KIAA0232: variants seen among roughly 807,000 people sequenced by gnomAD.
KIAA0232 encodes the protein KIAA0232.
Under a neutral mutation model 122.0 loss-of-function variants are expected in KIAA0232, and 27 were observed. That is an observed-to-expected ratio of 0.22 (90% CI 0.16 to 0.31). KIAA0232 has a LOEUF of 0.31. KIAA0232 is among the 10% of genes least tolerant of loss of function. The pLI is 1.00. For missense variants in KIAA0232, 1,551 were observed against 1,634.2 expected (o/e 0.95, Z 0.88); for synonymous variants, 613 against 587.6 (o/e 1.04, Z -0.63).
intron 3 of KIAA0232, among the ~76,000 whole-genome samples, chr4:6,836,790 C>T (rs1719306916): frequency 6.6e-6 from 1 of 152,044 alleles, no homozygotes. Flanking sequence ...TTTAACAAAG[C>T]ACATCTTGCA....
chr4:6,793,185 A>G (rs910106457), intron 1 of KIAA0232, among the ~76,000 whole-genome samples: 2 of 152,004 alleles, frequency 1.3e-5, no homozygotes, highest in South Asian at 4.2e-4. Flanking sequence ...CCATTAGTTA[A>G]TTAAGTAATT....
At chr4:6,821,645 C>A (rs1045259302) in intron 2 of KIAA0232, among the ~76,000 whole-genome samples, 1 of 148,664 alleles carries the variant, frequency 6.7e-6, no homozygotes, top group East Asian at 2.0e-4. Context: ...TATATAGATA[C>A]GTGTATATAC....
chr4:6,834,934 C>A (rs530216377), intron 3 of KIAA0232, among the ~76,000 whole-genome samples: 4 of 152,088 alleles, frequency 2.6e-5, no homozygotes, highest in Non-Finnish European at 2.9e-5. Context: ...GAAACTGCCC[C>A]AAAACTTAGT....
intron 3 of KIAA0232, among the ~76,000 whole-genome samples, chr4:6,837,608 T>C (rs541353332): frequency 7.9e-5 from 12 of 152,154 alleles, no homozygotes; most frequent in Non-Finnish European, 1.5e-4. Flanking sequence ...CGCCACTGCA[T>C]TCCAGCCTGG....
rs377662696 is a variant in KIAA0232 at position 6,849,630 on chromosome 4, T to A, written c.369+7426T>A. On this transcript the variant is annotated intron_variant, in intron 4 of 9. Coordinates refer to ENST00000307659, the MANE Select transcript of KIAA0232 (RefSeq NM_014743.3). ...GACTCCATCTCAAACAAAGAAAAAA[T>A]TAGCCGGATGTGGTGGTGCATGCCT... 7.9e-5 allele frequency among the ~76,000 whole-genome samples: 12 copies of A among 151,878 alleles called. No individual in the cohort carries two copies. In the East Asian group the frequency reaches 1.9e-3, roughly 25 times the overall value.
intron 2 of KIAA0232, among the ~76,000 whole-genome samples, chr4:6,821,390 G>T (rs911283768): frequency 6.6e-6 from 1 of 151,884 alleles, no homozygotes; most frequent in Non-Finnish European, 1.5e-5. Context: ...CTTTCCCCCT[G>T]AATTTCCAAA....
intron 4 of KIAA0232, among the ~76,000 whole-genome samples, chr4:6,849,051 G>C (rs1277476405): frequency 6.6e-6 from 1 of 152,254 alleles, no homozygotes; most frequent in Non-Finnish European, 1.5e-5. Context: ...TTGGAGAGGA[G>C]TAGTGCAACC....
chr4:6,783,706 C>A (rs1205239346), intron 1 of KIAA0232, among the ~76,000 whole-genome samples: 1 of 150,608 alleles, frequency 6.6e-6, no homozygotes, highest in African/African-American at 2.4e-5. Context: ...GGGGGGCGGG[C>A]CTGGCGGGCG....
rs538437705 is a variant in KIAA0232, at chr4:6,804,546, G to A, written c.-330G>A. ...AGGTAGTGTACACTGATAAAGGTAG[G>A]GCGCGGTGGACTCTGCCCCTGTAAC... On this transcript the variant is annotated 5_prime_UTR_variant, in exon 2 of 10. Transcript: ENST00000307659. The A allele has an allele frequency of 5.1e-4, 77 of 152,254 alleles. No individual in the cohort carries two copies. The highest frequency in any genetic ancestry group is 1.7e-3 in the African/African-American group (72 of 41,530). The allele number at this position is 152,254 out of a possible 1,614,324, so 9.4% of individuals were successfully genotyped here.
intron 1 of KIAA0232, among the ~76,000 whole-genome samples, chr4:6,797,797 C>T (rs1717195870): frequency 7.3e-6 from 1 of 136,786 alleles, no homozygotes; most frequent in Admixed American, 7.3e-5. Context: ...AAAGGCCGGG[C>T]GCGGTGGCTC....
At chr4:6,837,574 G>T (rs1719385687) in intron 3 of KIAA0232, among the ~76,000 whole-genome samples, 1 of 152,228 alleles carries the variant, frequency 6.6e-6, no homozygotes, top group Admixed American at 6.5e-5. Context: ...GCTGGGAGGT[G>T]GAGGTTGTAG....
At chr4:6,878,639 A>G (rs1209792277) in intron 9 of KIAA0232, among the ~76,000 whole-genome samples, 1 of 152,138 alleles carries the variant, frequency 6.6e-6, no homozygotes, top group East Asian at 1.9e-4. Context: ...GCCTTCAGCA[A>G]GCACCTCAGC....
intron 6 of KIAA0232, among the ~76,000 whole-genome samples, chr4:6,859,777 C>G (rs1340588110): frequency 6.6e-6 from 1 of 152,176 alleles, no homozygotes; most frequent in Non-Finnish European, 1.5e-5. Context: ...AACAACAGTC[C>G]CCAGTAGCCA....
At chr4:6,820,556 T>C (rs1398151596) in intron 2 of KIAA0232, among the ~76,000 whole-genome samples, 1 of 152,202 alleles carries the variant, frequency 6.6e-6, no homozygotes, top group Non-Finnish European at 1.5e-5. Context: ...ACCATTTTCA[T>C]ACAAGAACTT....
chr4:6,840,012 C>T (rs1351530827), intron 3 of KIAA0232, among the ~76,000 whole-genome samples: 1 of 152,132 alleles, frequency 6.6e-6, no homozygotes, highest in Non-Finnish European at 1.5e-5. Context: ...ATCTCATTCA[C>T]AAGCAACCCA....
intron 9 of KIAA0232, among the ~76,000 whole-genome samples, chr4:6,879,480 G>GC (rs1439234814): frequency 1.3e-5 from 2 of 152,118 alleles, no homozygotes; most frequent in African/African-American, 2.4e-5. Flanking sequence ...TGTATGTTTT[G>GC]CCCCCGTCTG....
intron 7 of KIAA0232, among the ~76,000 whole-genome samples, chr4:6,870,816 AAG>A (rs1491245497): frequency 2.6e-5 from 4 of 151,182 alleles, no homozygotes; most frequent in African/African-American, 4.9e-5. Flanking sequence ...AAAAAAAAAA[AAG>A]GAAGTTTCTT....
At chr4:6,818,296 G>A (rs1211088689) in intron 2 of KIAA0232, among the ~76,000 whole-genome samples, 1 of 151,660 alleles carries the variant, frequency 6.6e-6, no homozygotes, top group African/African-American at 2.4e-5. Flanking sequence ...AGCTACTCGG[G>A]AGGCCGAGGC....
At chr4:6,821,704 G>GTA (rs1491071865) in intron 2 of KIAA0232, among the ~76,000 whole-genome samples, 171 of 95,320 alleles carry the variant, frequency 1.8e-3, no homozygotes, top group African/African-American at 5.2e-3. Flanking sequence ...GTGTGTGTGT[G>GTA]TATATATATA....
Sources: allele counts gnomAD v4.1 joint callset (sites outside exome capture counted in the v4.1 genomes callset), GRCh38; gene constraint gnomAD v4.1.1; transcripts MANE v1.5; gene names NCBI Gene and HGNC (gene_info 2026-07-23, HGNC 2026-07-21).